The following RTCB variants were observed in gnomAD, a reference collection of about 807,000 sequenced individuals.
RTCB encodes the protein RNA-splicing ligase RTCB.
RTCB carries 32 observed loss-of-function variants against 58.2 expected under a neutral mutation model. That is an observed-to-expected ratio of 0.55 (90% CI 0.41 to 0.74). The LOEUF (loss-of-function observed/expected upper bound fraction) is 0.74. Among genes scored for constraint, RTCB ranks in the 30% least tolerant of loss-of-function variants. The pLI, the probability that RTCB is intolerant of heterozygous loss-of-function variation, is 0.00. For missense variants in RTCB, 523 were observed against 639.0 expected, an observed-to-expected ratio of 0.82 and a Z score of 1.96; for synonymous variants, 247 against 218.6, an observed-to-expected ratio of 1.13 and a Z score of -1.15.
Position 32,412,059 on chromosome 22 carries a change from C to A in RTCB, c.93+5G>T. 1 of 1,603,200 alleles carries A rather than the reference C, an allele frequency of 6.2e-7. No homozygotes were observed. On this transcript the variant is annotated splice_donor_5th_base_variant and intron_variant, in intron 1 of 11. Coordinates refer to ENST00000216038, the MANE Select transcript of RTCB (RefSeq NM_014306.5). ...AAGGCCCCGCCATTTGCTCTCCTGC[C>A]TTACCTGCATGTTGGGCACGAAGCC...
chr22:32,392,665 G>A (rs1933175332), intron 10 of RTCB, among the ~76,000 whole-genome samples: 1 of 152,120 alleles, frequency 6.6e-6, no homozygotes, highest in African/African-American at 2.4e-5. Flanking sequence ...AAAGCCTCCA[G>A]AAATTGTCAA....
At chr22:32,405,877 G>C (rs1933410293) in intron 4 of RTCB, among the ~76,000 whole-genome samples, 1 of 152,108 alleles carries the variant, frequency 6.6e-6, no homozygotes, top group African/African-American at 2.4e-5. Flanking sequence ...TTTATTGAAA[G>C]CACCCCATAA....
chr22:32,387,839 C>T lies in RTCB; in HGVS notation c.*153G>A. 1 of 564,228 alleles carries T rather than the reference C, an allele frequency of 1.8e-6. No individual in the cohort carries two copies. Among genetic ancestry groups the T allele is most frequent in the Non-Finnish European group, 3.2e-6 (1 of 313,152 alleles). 35.0% of individuals were successfully genotyped at this position (564,228 alleles called of 1,614,324 possible). On this transcript the variant is annotated 3_prime_UTR_variant, in exon 12 of 12. Coordinates refer to ENST00000216038, the MANE Select transcript of RTCB (RefSeq NM_014306.5). ...TTTTACAAGCACGGGCCCCTGAAAG[C>T]AGCAGCCTCCCCATCAGCCATTTTG... is the stretch of plus-strand genomic sequence containing the variant.
chr22:32,399,847 A>C, intron 5 of RTCB, 88 bp from the exon 6 acceptor site: 1 of 1,249,688 alleles, frequency 8.0e-7, no homozygotes, highest in South Asian at 1.8e-5. Flanking sequence ...GCAGAGAAAA[A>C]CTCGACATTT....
chr22:32,407,927 AT>A (rs892472437), intron 3 of RTCB: 26 of 470,094 alleles, frequency 5.5e-5, no homozygotes, highest in African/African-American at 1.2e-4. Flanking sequence ...CACCTGACTA[AT>A]TTTTTTGGTA....
At chr22:32,412,022 G>A (rs762970079) in intron 1 of RTCB, 42 bp downstream of exon 1, 2 of 1,515,524 alleles carry the variant, frequency 1.3e-6, no homozygotes, top group Non-Finnish European at 1.8e-6. Context: ...CCGGGCCGGG[G>A]ACGGAGCACG....
At chr22:32,397,878 G>A (rs1209582007) in intron 7 of RTCB, 63 bp downstream of exon 7, 14 of 1,495,418 alleles carry the variant, frequency 9.4e-6, no homozygotes, top group South Asian at 2.5e-5. Context: ...CAGAGTTTTC[G>A]CTCTTAAATT....
intron 9 of RTCB, 59 bp from the exon 10 acceptor site, chr22:32,394,061 A>C: frequency 8.2e-7 from 1 of 1,213,782 alleles, no homozygotes; most frequent in Non-Finnish European, 1.2e-6. Context: ...CTTTTTATGC[A>C]TAAAATTTAA....
At chr22:32,400,521 G>A (rs1023912503) in intron 5 of RTCB, among the ~76,000 whole-genome samples, 2 of 152,202 alleles carry the variant, frequency 1.3e-5, no homozygotes, top group Non-Finnish European at 2.9e-5. Context: ...CCCATAGGCA[G>A]TGTGCCCAGA....
chr22:32,411,411 T>A (rs1259019113), intron 1 of RTCB, among the ~76,000 whole-genome samples: 5 of 152,280 alleles, frequency 3.3e-5, no homozygotes, highest in Middle Eastern at 3.4e-3. Context: ...CAAGTCTCCA[T>A]CTGGGACGTC....
intron 7 of RTCB, 41 bp from the exon 8 acceptor site, chr22:32,396,290 CT>C: frequency 6.3e-7 from 1 of 1,593,704 alleles, no homozygotes; most frequent in South Asian, 1.1e-5. Flanking sequence ...TTAGCTTTCC[CT>C]TAAATGAACA....
chr22:32,392,808 A>G (rs1933178146), intron 10 of RTCB, among the ~76,000 whole-genome samples: 1 of 152,246 alleles, frequency 6.6e-6, no homozygotes. Context: ...GGTCTGTCCT[A>G]GGAGAAGGTA....
At chr22:32,394,049 G>C (rs188923606) in intron 9 of RTCB, 47 bp from the exon 10 acceptor site, 2 of 1,269,108 alleles carry the variant, frequency 1.6e-6, no homozygotes, top group African/African-American at 2.9e-5. Flanking sequence ...GAAAAACATA[G>C]GCTTTTTATG....
In RTCB at chr22:32,399,655, T is replaced by A; in HGVS notation, c.602A>T (p.Gln201Leu). ...TGCAGAAACTTTATTGGGGTCAGCC[T>A]GCAGCATCCTTCCGTACTCCTCGCA... ...EHCEEYGRML[Q>L]ADPNKVSARA... The change falls in exon 6 of 12, where the codon CAG (glutamine) becomes CTG (leucine). Residue 201 changes from glutamine to leucine, a missense_variant. Gln to Leu is a moderately radical substitution (Grantham distance 113). This residue lies in a region of RTCB where 141 missense variants were observed against 216.7 expected (regional missense o/e 0.65). Transcript: ENST00000216038. The A allele has an allele frequency of 6.2e-7, 1 of 1,614,066 alleles. No homozygotes were observed. Among genetic ancestry groups the A allele is most frequent in the Non-Finnish European group, 8.5e-7 (1 of 1,179,974 alleles).
intron 1 of RTCB, 73 bp from the exon 2 acceptor site, chr22:32,408,906 T>C: frequency 5.9e-6 from 6 of 1,009,982 alleles, no homozygotes; most frequent in Non-Finnish European, 9.5e-6. Context: ...CAGAATGCAC[T>C]GTATGCAATA....
Position 32,396,165 on chromosome 22 carries a change from G to A in RTCB, c.899C>T (p.Ser300Phe), listed in dbSNP as rs1933242631. 3.1e-6 allele frequency: 5 copies of A among 1,614,148 alleles called. No individual in the cohort carries two copies. The highest frequency in any genetic ancestry group is 4.2e-6 in the Non-Finnish European group (5 of 1,180,022). Residue 300 changes from serine (S) to phenylalanine (F), a missense_variant, in exon 8 of 12, where the codon TCC becomes TTC. This residue lies in a region of RTCB where 248 missense variants were observed against 292.5 expected (regional missense o/e 0.85). Transcript: ENST00000216038. ...CTTCAGATAGTCTTGACCCTCTGGG[G>A]AAGCGATTCGAGCACAAGCCAACTG... ...DRQLACARIA[S>F]PEGQDYLKGM...
intron 11 of RTCB, 121 bp downstream of exon 11, chr22:32,392,119 T>TAA: frequency 2.0e-6 from 2 of 1,006,534 alleles, no homozygotes; most frequent in Non-Finnish European, 1.4e-6. Flanking sequence ...ATTGAGGTCA[T>TAA]AAAAAAAAAT....
rs1933086056 is a variant in RTCB, at chr22:32,387,986, A to G, written c.*6T>C. ...GTGGTGTCAGGCAGCCCTGCTGTCC[A>G]AGGTTCTATCCTTTGATCACAGCAA... On this transcript the variant is annotated 3_prime_UTR_variant, in exon 12 of 12. Transcript: ENST00000216038. The G allele has an allele frequency of 3.1e-6, 5 of 1,595,184 alleles. No homozygotes were observed. Among genetic ancestry groups the G allele is most frequent in the Non-Finnish European group, 4.3e-6 (5 of 1,162,824 alleles).
intron 11 of RTCB, among the ~76,000 whole-genome samples, chr22:32,389,052 A>G (rs1183491574): frequency 6.6e-6 from 1 of 152,110 alleles, no homozygotes; most frequent in Admixed American, 6.6e-5. Context: ...CCTGGCTTTC[A>G]TGGTTGTTTC....
Sources: allele counts gnomAD v4.1 joint callset (sites outside exome capture counted in the v4.1 genomes callset), GRCh38; gene constraint gnomAD v4.1.1; regional missense constraint gnomAD v4.1.1; transcripts MANE v1.5; gene names NCBI Gene and HGNC (gene_info 2026-07-23, HGNC 2026-07-21).